Variants in MBOAT2 observed in about 807,000 individuals in gnomAD.
MBOAT2 encodes membrane bound glycerophospholipid O-acyltransferase 2, also known as membrane-bound glycerophospholipid O-acyltransferase 2.
A neutral mutation model predicts 63.4 loss-of-function variants in MBOAT2; 28 were observed. The observed-to-expected ratio is 0.44, with a 90% CI of 0.33 to 0.61. The LOEUF is 0.61. Ranked by LOEUF, MBOAT2 falls within the 20% of genes least tolerant of loss-of-function variation. MBOAT2 has a pLI of 0.03. For missense variants in MBOAT2, 470 were observed against 605.8 expected, an observed-to-expected ratio of 0.78 and a Z score of 2.35; for synonymous variants, 211 against 215.6, an observed-to-expected ratio of 0.98 and a Z score of 0.19.
intron 1 of MBOAT2, among the ~76,000 whole-genome samples, chr2:9,002,163 A>G (rs926958154): frequency 6.6e-6 from 1 of 152,214 alleles, no homozygotes; most frequent in African/African-American, 2.4e-5. Flanking sequence ...TTCTTCGAAT[A>G]CACGATTAAT....
At position 8,946,558 on chromosome 2, in the gene MBOAT2, C is replaced by T. The variant is rs374875915; in HGVS notation, c.222-3294G>A. Reference sequence around the variant, plus strand: ...TAGAAGGTTTGTGGCAACCCTGCATCGTGCCAGCCTCTTGGCACCATTTTT... The same window carrying T: ...TAGAAGGTTTGTGGCAACCCTGCATTGTGCCAGCCTCTTGGCACCATTTTT... On this transcript the variant is annotated intron_variant, in intron 2 of 12. Coordinates refer to ENST00000305997, the MANE Select transcript of MBOAT2 (RefSeq NM_138799.4). Among the ~76,000 whole-genome samples the T allele has an allele frequency of 2.0e-5, 3 of 152,274 alleles. No individual in the cohort carries two copies. In the East Asian group the frequency reaches 5.8e-4, roughly 29 times the overall value.
chr2:8,903,549 G>A (rs1558596335), intron 4 of MBOAT2, among the ~76,000 whole-genome samples: 1 of 151,924 alleles, frequency 6.6e-6, no homozygotes, highest in East Asian at 1.9e-4. Context: ...CAATCAGAAC[G>A]TTTTTGCCAA....
chr2:8,912,373 G>GAAAGAAAGAGAAAGAAAGAA (rs67420836), intron 3 of MBOAT2, among the ~76,000 whole-genome samples: 2 of 84,276 alleles, frequency 2.4e-5, no homozygotes, highest in African/African-American at 4.7e-5. Context: ...AAGAAAGAAA[G>GAAAGAAAGAGAAAGAAAGAA]AGAAAGAAAG....
At chr2:8,980,461 G>C (rs1671120095) in intron 1 of MBOAT2, among the ~76,000 whole-genome samples, 1 of 152,096 alleles carries the variant, frequency 6.6e-6, no homozygotes. Context: ...TGCACTTGTA[G>C]ATTATGAGGT....
intron 3 of MBOAT2, among the ~76,000 whole-genome samples, chr2:8,924,243 A>G (rs1023127713): frequency 6.6e-6 from 1 of 152,154 alleles, no homozygotes; most frequent in African/African-American, 2.4e-5. Context: ...TCTGTAGGGC[A>G]AATTCACCAT....
chr2:8,887,573 G>A lies in MBOAT2; in HGVS notation c.451+445C>T, dbSNP rs569615461. 4.6e-5 allele frequency among the ~76,000 whole-genome samples: 7 copies of A among 152,284 alleles called. No individual in the cohort carries two copies. The South Asian group carries it at 1.4e-3, about 32-fold the overall frequency. On this transcript the variant is annotated intron_variant, in intron 5 of 12. Transcript: ENST00000305997. ...GAGTCCTGTTAGGCCAGGACTAGAT[G>A]TCCACTCACTGAAGACAGAAATATT...
At chr2:8,967,239 G>T (rs1419519342) in intron 1 of MBOAT2, among the ~76,000 whole-genome samples, 1 of 152,158 alleles carries the variant, frequency 6.6e-6, no homozygotes, top group African/African-American at 2.4e-5. Context: ...AGACAACAAG[G>T]GATTTTGTGG....
intron 3 of MBOAT2, among the ~76,000 whole-genome samples, chr2:8,929,060 T>G (rs957044421): frequency 6.6e-6 from 1 of 150,978 alleles, no homozygotes; most frequent in African/African-American, 2.4e-5. Context: ...AGTGGGGAGG[T>G]GGGAAATTTT....
chr2:8,902,273 C>A (rs1665000820), intron 4 of MBOAT2, among the ~76,000 whole-genome samples: 1 of 152,134 alleles, frequency 6.6e-6, no homozygotes, highest in Non-Finnish European at 1.5e-5. Flanking sequence ...AAAAATAGGA[C>A]AAAATAGCAA....
At chr2:8,883,842 G>C (rs1663330600) in intron 5 of MBOAT2, among the ~76,000 whole-genome samples, 1 of 151,830 alleles carries the variant, frequency 6.6e-6, no homozygotes, top group Non-Finnish European at 1.5e-5. Flanking sequence ...CAACAATTGG[G>C]GAATGGGAAT....
At chr2:8,970,400 T>C (rs1415589169) in intron 1 of MBOAT2, among the ~76,000 whole-genome samples, 3 of 152,150 alleles carry the variant, frequency 2.0e-5, no homozygotes, top group Non-Finnish European at 4.4e-5. Flanking sequence ...TAGCACTAAA[T>C]GCCCACAAGA....
At chr2:8,885,052 G>A (rs558418908) in intron 5 of MBOAT2, among the ~76,000 whole-genome samples, 36 of 152,286 alleles carry the variant, frequency 2.4e-4, no homozygotes, top group Middle Eastern at 3.4e-3. Context: ...CAGCTGATAC[G>A]GGTAGTCCAG....
intron 2 of MBOAT2, among the ~76,000 whole-genome samples, chr2:8,958,046 C>G (rs1474251812): frequency 2.0e-5 from 3 of 152,048 alleles, no homozygotes; most frequent in Non-Finnish European, 4.4e-5. Context: ...GACAAATGAA[C>G]AAACAAAAAG....
intron 3 of MBOAT2, among the ~76,000 whole-genome samples, chr2:8,929,984 C>A (rs1429629843): frequency 6.6e-6 from 1 of 152,206 alleles, no homozygotes; most frequent in Non-Finnish European, 1.5e-5. Context: ...TGTGTCCTCT[C>A]TCCCTTCCCC....
intron 1 of MBOAT2, among the ~76,000 whole-genome samples, chr2:8,989,135 A>AT (rs1193098159): frequency 6.6e-6 from 1 of 152,190 alleles, no homozygotes; most frequent in Non-Finnish European, 1.5e-5. Flanking sequence ...CTCAATGTTG[A>AT]TTTTAACACT....
chr2:8,938,745 C>T (rs941819221), intron 3 of MBOAT2, among the ~76,000 whole-genome samples: 24 of 150,324 alleles, frequency 1.6e-4, no homozygotes, highest in Non-Finnish European at 3.3e-4. Flanking sequence ...TGTCTCATGC[C>T]GCCACATTTC....
At chr2:8,883,728 A>C (rs1024874009) in intron 5 of MBOAT2, among the ~76,000 whole-genome samples, 2 of 152,094 alleles carry the variant, frequency 1.3e-5, no homozygotes, top group African/African-American at 4.8e-5. Flanking sequence ...TATTCCTACA[A>C]CTCTAGCCCT....
chr2:8,864,495 T>G (rs752394431), intron 9 of MBOAT2, among the ~76,000 whole-genome samples: 11 of 152,194 alleles, frequency 7.2e-5, no homozygotes, highest in Non-Finnish European at 1.5e-4. Flanking sequence ...AGGGATGTCA[T>G]GGATTTCTTC....
intron 1 of MBOAT2, among the ~76,000 whole-genome samples, chr2:8,980,780 A>C (rs1332029302): frequency 6.6e-6 from 1 of 152,194 alleles, no homozygotes; most frequent in Non-Finnish European, 1.5e-5. Context: ...AAAATAGTAC[A>C]ACCACTTTGG....
Sources: gnomAD v4.1 joint callset for allele counts (sites outside exome capture counted in the v4.1 genomes callset) on GRCh38, gnomAD v4.1.1 for gene constraint, MANE v1.5 for transcripts, NCBI Gene and HGNC (gene_info 2026-07-23, HGNC 2026-07-21) for gene names.